PSMD11: variants seen among roughly 807,000 people sequenced by gnomAD.
PSMD11 encodes the protein 26S proteasome non-ATPase regulatory subunit 11.
PSMD11 carries 5 observed loss-of-function variants against 62.3 expected under a neutral mutation model. That is an observed-to-expected ratio of 0.08 (90% CI 0.04 to 0.17). The LOEUF (loss-of-function observed/expected upper bound fraction) is 0.17, where lower values mean the gene tolerates loss of function less well. Among genes scored for constraint, PSMD11 ranks in the 10% least tolerant of loss-of-function variants. The pLI, the probability that PSMD11 is intolerant of heterozygous loss-of-function variation, is 1.00. For missense variants in PSMD11, 310 were observed against 512.9 expected, an observed-to-expected ratio of 0.60 and a Z score of 3.82; for synonymous variants, 191 against 191.8, an observed-to-expected ratio of 1.00 and a Z score of 0.03.
chr17:32,459,350 C>G (rs1356013401), intron 3 of PSMD11, among the ~76,000 whole-genome samples: 1 of 151,832 alleles, frequency 6.6e-6, no homozygotes, highest in Non-Finnish European at 1.5e-5. Flanking sequence ...TCCCAAATAA[C>G]TGGGAGTACA....
intron 8 of PSMD11, 106 bp downstream of exon 8, chr17:32,474,930 T>G: frequency 8.0e-6 from 8 of 999,982 alleles, no homozygotes; most frequent in African/African-American, 1.6e-5. Context: ...TACTACTCTC[T>G]TCCTTCTGCC....
At chr17:32,470,131 G>A (rs1425672585) in intron 6 of PSMD11, among the ~76,000 whole-genome samples, 2 of 151,814 alleles carry the variant, frequency 1.3e-5, no homozygotes, top group Non-Finnish European at 2.9e-5. Flanking sequence ...TCCTATCTCA[G>A]TCTCTTGAGT....
intron 10 of PSMD11, 180 bp downstream of exon 10, chr17:32,479,556 T>A: frequency 1.1e-6 from 1 of 920,444 alleles, no homozygotes; most frequent in Non-Finnish European, 1.6e-6. Context: ...ATGCTGTGGG[T>A]AGAGGCATGT....
chr17:32,445,923 G>A (rs1907319021), intron 1 of PSMD11: 1 of 152,214 alleles, frequency 6.6e-6, no homozygotes. Flanking sequence ...TACGGAACCA[G>A]AGTCATCTCA....
chr17:32,449,017 G>A (rs755674531), intron 2 of PSMD11, among the ~76,000 whole-genome samples: 6 of 152,094 alleles, frequency 3.9e-5, no homozygotes, highest in Non-Finnish European at 8.8e-5. Flanking sequence ...TTTGAGCTTG[G>A]GGGGTTCCAA....
Position 32,474,652 on chromosome 17 carries a change from G to T in PSMD11, c.789-112G>T. The T allele has an allele frequency of 3.8e-6, 4 of 1,049,962 alleles. No homozygotes were observed. The South Asian group carries it at 5.2e-5, about 14-fold the overall frequency. 65.0% of individuals were successfully genotyped at this position (1,049,962 alleles called of 1,614,324 possible). On this transcript the variant is annotated intron_variant, in intron 7 of 13. Transcript: ENST00000261712. ...GGTTTAGGGGTTGGGCTGATTGTCTGTGTGGGCAGAGTCTTTATTACAATG... is the reference window on the plus strand; with the variant it reads ...GGTTTAGGGGTTGGGCTGATTGTCTTTGTGGGCAGAGTCTTTATTACAATG...
At chr17:32,451,726 TTCTC>T (rs148073118) in intron 2 of PSMD11, among the ~76,000 whole-genome samples, 2,856 of 152,260 alleles carry the variant, frequency 0.019, 27 homozygotes, top group Middle Eastern at 0.031. Context: ...TTCACCTTAG[TTCTC>T]TCTGTTTTGT....
intron 9 of PSMD11, among the ~76,000 whole-genome samples, chr17:32,478,799 A>T (rs968970957): frequency 1.1e-4 from 16 of 152,088 alleles, no homozygotes; most frequent in Admixed American, 9.2e-4. Flanking sequence ...TTGGTTCATG[A>T]GCTGAGTTGC....
intron 4 of PSMD11, 111 bp from the exon 5 acceptor site, chr17:32,464,410 C>G (rs941282092): frequency 5.7e-6 from 5 of 874,620 alleles, no homozygotes; most frequent in African/African-American, 1.7e-5. Context: ...GAATTTGATG[C>G]TATCATCAGA....
chr17:32,465,456 C>T (rs758806045), intron 5 of PSMD11, among the ~76,000 whole-genome samples: 7 of 151,652 alleles, frequency 4.6e-5, no homozygotes, highest in African/African-American at 9.7e-5. Flanking sequence ...CTATTTTTTC[C>T]GAACAAAAGA....
intron 2 of PSMD11, among the ~76,000 whole-genome samples, chr17:32,448,931 GGGT>G (rs1907411844): frequency 6.6e-6 from 1 of 152,112 alleles, no homozygotes; most frequent in Non-Finnish European, 1.5e-5. Context: ...TATCATTGGT[GGGT>G]GGTGTCTTTT....
rs1908556524 is a variant in PSMD11, at chr17:32,483,145, C to T, written c.*2393C>T. On this transcript the variant is annotated 3_prime_UTR_variant, in exon 14 of 14. Coordinates refer to ENST00000261712, the MANE Select transcript of PSMD11 (RefSeq NM_002815.4). The stretch of plus-strand genomic sequence containing the variant: ...GCTAGCCATGTGCAGCTGTCAGGCC[C>T]TTGCAACGTGGCTGGTTCGAGCTGT... 6.6e-6 allele frequency: 1 copy of T among 152,182 alleles called. No individual in the cohort carries two copies. Among genetic ancestry groups the T allele is most frequent in the Admixed American group, 6.5e-5 (1 of 15,278 alleles). The allele number at this position is 152,182 out of a possible 1,614,324, so 9.4% of individuals were successfully genotyped here.
intron 2 of PSMD11, among the ~76,000 whole-genome samples, chr17:32,451,590 A>G (rs1290711088): frequency 2.6e-5 from 4 of 152,232 alleles, no homozygotes; most frequent in African/African-American, 7.2e-5. Context: ...TGAAATAAAG[A>G]AATTAAAAAT....
In PSMD11 at chr17:32,473,790, T is replaced by A; in HGVS notation, c.644-11T>A. On this transcript the variant is annotated splice_polypyrimidine_tract_variant and intron_variant, in intron 6 of 13. Coordinates refer to ENST00000261712, the MANE Select transcript of PSMD11 (RefSeq NM_002815.4). The stretch of plus-strand genomic sequence containing the variant: ...TTTATATGTTCTTATTCCTTTCTTT[T>A]CAATGCCCAGGTATTATCCATGCAG... 6.2e-7 allele frequency: 1 copy of A among 1,612,876 alleles called. No individual in the cohort carries two copies. The highest frequency in any genetic ancestry group is 1.1e-5 in the South Asian group (1 of 91,026).
chr17:32,480,696 C>G, intron 13 of PSMD11, 57 bp from the exon 14 acceptor site: 1 of 1,570,912 alleles, frequency 6.4e-7, no homozygotes, highest in Non-Finnish European at 8.7e-7. Flanking sequence ...AGACTGAAAA[C>G]CTCCTCCTGG....
At chr17:32,451,648 G>T (rs1009093619) in intron 2 of PSMD11, among the ~76,000 whole-genome samples, 13 of 152,198 alleles carry the variant, frequency 8.5e-5, no homozygotes, top group African/African-American at 3.1e-4. Context: ...TTCTGGGACA[G>T]ATTATTTGAT....
intron 8 of PSMD11, 52 bp downstream of exon 8, chr17:32,474,876 C>T: frequency 6.6e-7 from 1 of 1,522,946 alleles, no homozygotes; most frequent in Non-Finnish European, 9.1e-7. Flanking sequence ...AGCATGTTTT[C>T]AGAGTCACAA....
rs1188157931 is a variant in PSMD11, at chr17:32,481,853, T to G, written c.*1101T>G. 6.6e-6 allele frequency: 1 copy of G among 152,126 alleles called. No homozygotes were observed. Among genetic ancestry groups the G allele is most frequent in the Non-Finnish European group, 1.5e-5 (1 of 68,032 alleles). The allele number at this position is 152,126 out of a possible 1,614,324, so 9.4% of individuals were successfully genotyped here. A position where few individuals can be genotyped will look rare whatever the true frequency, so the allele number is the denominator to read the frequency against. ...TTTGTTGGGTTTTTGAGCAACCTCATGTCCCCTTCCCAGGGAGCTTTTTAA... is the reference window on the plus strand; with the variant it reads ...TTTGTTGGGTTTTTGAGCAACCTCAGGTCCCCTTCCCAGGGAGCTTTTTAA... On this transcript the variant is annotated 3_prime_UTR_variant, in exon 14 of 14. Coordinates refer to ENST00000261712, the MANE Select transcript of PSMD11 (RefSeq NM_002815.4).
intron 5 of PSMD11, among the ~76,000 whole-genome samples, chr17:32,466,142 C>T (rs1171681031): frequency 6.6e-6 from 1 of 152,164 alleles, no homozygotes; most frequent in East Asian, 1.9e-4. Context: ...ATTACAGGCA[C>T]CTGTCACCAT....
Sources: allele counts gnomAD v4.1 joint callset (sites outside exome capture counted in the v4.1 genomes callset), GRCh38; gene constraint gnomAD v4.1.1; transcripts MANE v1.5; gene names NCBI Gene and HGNC (gene_info 2026-07-23, HGNC 2026-07-21).